Variants in STRN3 observed in about 807,000 individuals in gnomAD.
STRN3 encodes striatin-3.
Under a neutral mutation model 95.6 loss-of-function variants are expected in STRN3, and 29 were observed. The observed-to-expected ratio is 0.30, with a 90% CI of 0.23 to 0.41. The LOEUF (loss-of-function observed/expected upper bound fraction) is 0.41. Among genes scored for constraint, STRN3 ranks in the 10% least tolerant of loss-of-function variants. The pLI, the probability that STRN3 is intolerant of heterozygous loss-of-function variation, is 1.00. For missense variants in STRN3, 890 were observed against 972.1 expected (o/e 0.92, Z 1.12); for synonymous variants, 331 against 357.6 (o/e 0.93, Z 0.84).
At chr14:30,925,079 T>G (rs1228527688) in intron 8 of STRN3, among the ~76,000 whole-genome samples, 1 of 152,182 alleles carries the variant, frequency 6.6e-6, no homozygotes, top group Non-Finnish European at 1.5e-5. Flanking sequence ...AGTTTCTTAG[T>G]TTCAAGGTAC....
chr14:30,963,308 T>A (rs1319394602), intron 1 of STRN3, among the ~76,000 whole-genome samples: 1 of 152,156 alleles, frequency 6.6e-6, no homozygotes, highest in Admixed American at 6.5e-5. Context: ...CTAACACACA[T>A]ATGCAGAACA....
chr14:30,962,309 T>C (rs1378685852), intron 1 of STRN3, among the ~76,000 whole-genome samples: 1 of 152,214 alleles, frequency 6.6e-6, no homozygotes, highest in Non-Finnish European at 1.5e-5. Flanking sequence ...GTTAAAACGC[T>C]GAAAAAATTA....
intron 13 of STRN3, 98 bp from the exon 14 acceptor site, chr14:30,907,142 C>G (rs1896483965): frequency 7.3e-7 from 1 of 1,373,914 alleles, no homozygotes; most frequent in African/African-American, 1.5e-5. Context: ...GCATAAAGAA[C>G]ACACATAAAG....
intron 1 of STRN3, among the ~76,000 whole-genome samples, chr14:30,979,340 G>C (rs965590442): frequency 4.6e-5 from 7 of 152,220 alleles, no homozygotes; most frequent in Middle Eastern, 3.4e-3. Flanking sequence ...AAAGAAAAAG[G>C]TTTTGCAACG....
At chr14:30,901,357 G>A (rs892667431) in intron 16 of STRN3, among the ~76,000 whole-genome samples, 8 of 152,062 alleles carry the variant, frequency 5.3e-5, no homozygotes, top group Admixed American at 5.2e-4. Context: ...ATGTAGACCT[G>A]TAAATATTCA....
intron 1 of STRN3, among the ~76,000 whole-genome samples, chr14:30,966,381 CTT>C (rs1880508911): frequency 6.6e-6 from 1 of 152,178 alleles, no homozygotes; most frequent in South Asian, 2.1e-4. Flanking sequence ...GGCACCGAAA[CTT>C]TACATATAAC....
At chr14:31,019,134 G>C (rs1209151469) in intron 1 of STRN3, among the ~76,000 whole-genome samples, 2 of 151,952 alleles carry the variant, frequency 1.3e-5, no homozygotes, top group East Asian at 3.9e-4. Flanking sequence ...AACATAGAAA[G>C]ACCCTGTCTC....
At chr14:30,910,144 C>A (rs921168618) in intron 13 of STRN3, among the ~76,000 whole-genome samples, 11 of 152,204 alleles carry the variant, frequency 7.2e-5, no homozygotes, top group African/African-American at 2.7e-4. Context: ...TGGCTTAAAA[C>A]TCTTTACTGA....
At chr14:30,931,540 T>A (rs955055447) in intron 7 of STRN3, among the ~76,000 whole-genome samples, 3 of 152,216 alleles carry the variant, frequency 2.0e-5, no homozygotes, top group African/African-American at 7.2e-5. Context: ...ACTAACTTTA[T>A]GCAAATACTC....
At chr14:30,967,471 G>A (rs1880586532) in intron 1 of STRN3, among the ~76,000 whole-genome samples, 1 of 152,230 alleles carries the variant, frequency 6.6e-6, no homozygotes, top group African/African-American at 2.4e-5. Flanking sequence ...TCTTCTCCGT[G>A]ACCCTATAAC....
chr14:30,988,963 G>C (rs897965044), intron 1 of STRN3, among the ~76,000 whole-genome samples: 1 of 152,166 alleles, frequency 6.6e-6, no homozygotes, highest in East Asian at 1.9e-4. Flanking sequence ...AAAGTGTCTT[G>C]CTCACGGACA....
chr14:30,909,325 C>T lies in STRN3; in HGVS notation c.1720+1716G>A, dbSNP rs186392364. Among the ~76,000 whole-genome samples the T allele has an allele frequency of 3.0e-3, 459 of 152,162 alleles. 5 individuals carry two copies. The highest frequency in any genetic ancestry group is 3.7e-3 in the Non-Finnish European group (251 of 68,008). ...TTTAAGACCACCCCGGGCAACATGG[C>T]CACCATTTCTACAAAAAATACAAAA... On this transcript the variant is annotated intron_variant, in intron 13 of 17. Transcript: ENST00000357479.
At chr14:30,897,833 G>C (rs1015867274) in intron 16 of STRN3, among the ~76,000 whole-genome samples, 1 of 152,074 alleles carries the variant, frequency 6.6e-6, no homozygotes, top group Non-Finnish European at 1.5e-5. Context: ...TTATCTTCCA[G>C]TTCTAGAATC....
At chr14:30,940,072 T>C (rs1182442107) in intron 5 of STRN3, among the ~76,000 whole-genome samples, 1 of 152,128 alleles carries the variant, frequency 6.6e-6, no homozygotes, top group Non-Finnish European at 1.5e-5. Flanking sequence ...GTTACCACTA[T>C]TCTCCTCTGA....
intron 1 of STRN3, chr14:31,018,528 TA>T: frequency 2.3e-6 from 1 of 429,406 alleles, no homozygotes. Flanking sequence ...ACAACTATGG[TA>T]AAGGACATCC....
intron 1 of STRN3, among the ~76,000 whole-genome samples, chr14:31,024,258 G>A (rs1206377848): frequency 1.3e-5 from 2 of 152,150 alleles, no homozygotes; most frequent in African/African-American, 4.8e-5. Context: ...AGCAGGGACT[G>A]GTGAAGTATT....
At chr14:30,905,615 T>C in intron 14 of STRN3, 57 bp from the exon 15 acceptor site, 4 of 1,527,794 alleles carry the variant, frequency 2.6e-6, no homozygotes, top group Non-Finnish European at 1.7e-6. Context: ...ATGAAATCTC[T>C]ACTTTTTGAA....
At chr14:30,968,313 T>TG (rs1880638685) in intron 1 of STRN3, among the ~76,000 whole-genome samples, 1 of 145,124 alleles carries the variant, frequency 6.9e-6, no homozygotes, top group African/African-American at 2.6e-5. Flanking sequence ...AAAAAGAAAT[T>TG]GGGGGGACAG....
At chr14:30,976,579 T>G (rs1290309573) in intron 1 of STRN3, among the ~76,000 whole-genome samples, 1 of 152,198 alleles carries the variant, frequency 6.6e-6, no homozygotes, top group East Asian at 1.9e-4. Context: ...AACATTATTT[T>G]CAAACTCACA....
Sources: allele counts gnomAD v4.1 joint callset (sites outside exome capture counted in the v4.1 genomes callset), GRCh38; gene constraint gnomAD v4.1.1; transcripts MANE v1.5; gene names NCBI Gene and HGNC (gene_info 2026-07-23, HGNC 2026-07-21).